GPR143: variants seen among roughly 807,000 people sequenced by gnomAD.
The protein encoded by GPR143 is G-protein coupled receptor 143.
Under a neutral mutation model 27.6 loss-of-function variants are expected in GPR143, and 8 were observed. The observed-to-expected ratio is 0.29, with a 90% CI of 0.17 to 0.52. The LOEUF is 0.52. GPR143 is among the 20% of genes least tolerant of loss of function. The probability of loss-of-function intolerance (pLI) is 0.96; values close to 1 mark genes in which losing one functional copy is unlikely to be tolerated. For synonymous variants in GPR143, 156 were observed against 153.2 expected, an observed-to-expected ratio of 1.02 and a Z score of -0.13; for missense variants, 303 against 343.1, an observed-to-expected ratio of 0.88 and a Z score of 0.92.
At chrX:9,760,473 G>A (rs1435483079) in intron 2 of GPR143, among the ~76,000 whole-genome samples, 1 of 111,623 alleles carries the variant, frequency 9.0e-6, no homozygotes, top group Non-Finnish European at 1.9e-5. Flanking sequence ...GTGCCAGCTG[G>A]TTTTGCTCGT....
intron 2 of GPR143, among the ~76,000 whole-genome samples, chrX:9,759,938 C>A (rs2083488780): frequency 1.8e-5 from 2 of 112,094 alleles, no homozygotes; most frequent in Non-Finnish European, 3.8e-5. Context: ...TGCTCCAGCA[C>A]AGGGCAATCA....
intron 8 of GPR143, among the ~76,000 whole-genome samples, chrX:9,735,862 T>G (rs949551535): frequency 8.9e-6 from 1 of 112,179 alleles, no homozygotes; most frequent in Non-Finnish European, 1.9e-5. Context: ...TTTCTGTATC[T>G]GCCATCGTAG....
chrX:9,746,005 C>G, intron 5 of GPR143, 39 bp downstream of exon 5: 1 of 839,605 alleles, frequency 1.2e-6, no homozygotes. Context: ...GGGGCCGCTC[C>G]CAGTGGCCGT....
rs951723737 is a variant in GPR143 at position 9,727,986 on chromosome X, C to T, written c.1121-2146G>A. Among the ~76,000 whole-genome samples, 3 of 112,786 alleles carry T rather than the reference C, an allele frequency of 2.7e-5. No individual in the cohort carries two copies. In the Admixed American group the frequency reaches 2.8e-4, roughly 11 times the overall value. ...TGGCTCCTACAGTTCATTAAGGTCT[C>T]AATTCTAATATTACGTCATGCTCAG... On this transcript the variant is annotated intron_variant, in intron 8 of 8. Transcript: ENST00000467482.
chrX:9,760,152 C>T (rs1040666469), intron 2 of GPR143, among the ~76,000 whole-genome samples: 8 of 111,701 alleles, frequency 7.2e-5, no homozygotes, highest in Non-Finnish European at 1.3e-4. Context: ...AGTGCAGTGG[C>T]GCGATCTTGG....
At chrX:9,762,041 C>T (rs139610868) in intron 1 of GPR143, among the ~76,000 whole-genome samples, 1,616 of 110,135 alleles carry the variant, frequency 0.015, 8 homozygotes, top group Non-Finnish European at 0.024. Context: ...GAGTCGAGAT[C>T]GCACCACTGT....
intron 1 of GPR143, among the ~76,000 whole-genome samples, chrX:9,774,491 G>A (rs997863426): frequency 7.1e-5 from 8 of 112,572 alleles, no homozygotes; most frequent in Non-Finnish European, 1.5e-4. Context: ...GCCCCTGGGG[G>A]TGGGCACTTC....
At chrX:9,751,839 T>G (rs1327987036) in intron 3 of GPR143, among the ~76,000 whole-genome samples, 2 of 112,878 alleles carry the variant, frequency 1.8e-5, no homozygotes, top group Non-Finnish European at 3.7e-5. Flanking sequence ...TCAGTGTACA[T>G]TGGCTGAATG....
At position 9,725,793 on chromosome X, in the gene GPR143, T is replaced by C; in HGVS notation, c.1168A>G (p.Asn390Asp). 1 of 1,210,407 alleles carries C rather than the reference T, an allele frequency of 8.3e-7. No individual in the cohort carries two copies. The highest frequency in any genetic ancestry group is 1.1e-6 in the Non-Finnish European group (1 of 894,791). ...IEIHTASESC[N>D]KNEGDPALPT... ...AGAGCAGGGTCACCCTCATTTTTGT[T>C]GCAGGATTCACTTGCAGTGTGAATT... Residue 390 changes from asparagine to aspartate, a missense_variant, in exon 9 of 9, where the codon AAC (asparagine) becomes GAC (aspartate). Transcript: ENST00000467482.
chrX:9,750,714 C>A (rs1569120954), intron 3 of GPR143, among the ~76,000 whole-genome samples: 1 of 111,594 alleles, frequency 9.0e-6, no homozygotes. Flanking sequence ...CAGGCGCCCA[C>A]CACCAACCTG....
rs751707938 is a variant in GPR143 at position 9,744,051 on chromosome X, A to G, written c.659-378T>C. On this transcript the variant is annotated intron_variant, in intron 5 of 8. Transcript: ENST00000467482. Reference sequence around the variant, plus strand: ...AGGTACATTACTATGTTAACTCCCAATTTTGGCTGGGTGCAGTGGCTCACA... The same window carrying G: ...AGGTACATTACTATGTTAACTCCCAGTTTTGGCTGGGTGCAGTGGCTCACA... Among the ~76,000 whole-genome samples the G allele has an allele frequency of 5.3e-5, 6 of 112,284 alleles. No individual in the cohort carries two copies. In the East Asian group the frequency reaches 1.1e-3, roughly 21 times the overall value.
At position 9,761,038 on chromosome X, in the gene GPR143, A is replaced by G. The variant is rs776602570; in HGVS notation, c.251-212T>C. Among the ~76,000 whole-genome samples the G allele has an allele frequency of 8.1e-5, 9 of 111,428 alleles. No homozygotes were observed. In the South Asian group the frequency reaches 3.4e-3, roughly 42 times the overall value. The stretch of plus-strand genomic sequence containing the variant: ...AAAAAACATACATATTTGTGTGTGC[A>G]GAGAGAGAAAAAGAAGATTGAAACT... On this transcript the variant is annotated intron_variant, in intron 1 of 8. Coordinates refer to ENST00000467482, the MANE Select transcript of GPR143 (RefSeq NM_000273.3).
upstream of GPR143, among the ~76,000 whole-genome samples, chrX:9,769,144 G>A (rs769700772): frequency 8.0e-5 from 9 of 111,930 alleles, no homozygotes; most frequent in East Asian, 2.5e-3. Context: ...AGAAACAATC[G>A]GTCTTTGAGT....
intron 8 of GPR143, among the ~76,000 whole-genome samples, chrX:9,731,368 C>CAA (rs35048847): frequency 0.013 from 1,267 of 95,089 alleles, 18 homozygotes; most frequent in African/African-American, 0.044. Context: ...GACTCTGTCT[C>CAA]AAAAAAAAAA....
intron 8 of GPR143, among the ~76,000 whole-genome samples, chrX:9,728,812 CAAAA>C (rs58497237): frequency 9.5e-6 from 1 of 104,873 alleles, no homozygotes; most frequent in Non-Finnish European, 2.0e-5. Context: ...GATCCCACCT[CAAAA>C]AAAAAGGCAA....
intron 8 of GPR143, among the ~76,000 whole-genome samples, chrX:9,727,307 G>T (rs973068912): frequency 8.8e-6 from 1 of 113,369 alleles, no homozygotes; most frequent in East Asian, 2.8e-4. Context: ...TCTGGTAGGG[G>T]GACCACCCCT....
chrX:9,765,507 G>A, intron 1 of GPR143, 61 bp downstream of exon 1: 1 of 1,027,309 alleles, frequency 9.7e-7, no homozygotes, highest in Non-Finnish European at 1.3e-6. Flanking sequence ...CAACCTGCGG[G>A]CCACGCGCCC....
intron 1 of GPR143, among the ~76,000 whole-genome samples, chrX:9,763,286 G>A (rs2083511845): frequency 9.1e-6 from 1 of 110,392 alleles, no homozygotes; most frequent in African/African-American, 3.3e-5. Flanking sequence ...TGACCAGCCT[G>A]GGCAAGATGG....
Position 9,752,208 on chromosome X carries a change from C to T in GPR143, c.456-3542G>A, listed in dbSNP as rs143863621. 6.1e-3 allele frequency among the ~76,000 whole-genome samples: 688 copies of T among 112,144 alleles called. 3 individuals are homozygous for T. Among genetic ancestry groups the T allele is most frequent in the African/African-American group, 0.021 (655 of 30,829 alleles). ...TCCCAAGTAGCTAGGACTACAAGCA[C>T]TCACCACCACACCCAGCTAACTTTT... On this transcript the variant is annotated intron_variant, in intron 3 of 8. Transcript: ENST00000467482.
Sources: gnomAD v4.1 joint callset for allele counts (sites outside exome capture counted in the v4.1 genomes callset) on GRCh38, gnomAD v4.1.1 for gene constraint, MANE v1.5 for transcripts, NCBI Gene and HGNC (gene_info 2026-07-23, HGNC 2026-07-21) for gene names.